The following ZP2 variants were observed in gnomAD, a reference collection of about 807,000 sequenced individuals.
ZP2 encodes zona pellucida glycoprotein 2, also known as zona pellucida sperm-binding protein 2.
ZP2 carries 51 observed loss-of-function variants against 84.0 expected under a neutral mutation model. The ratio of observed to expected loss-of-function variants is 0.61; its 90% CI spans 0.49 to 0.77. The LOEUF (loss-of-function observed/expected upper bound fraction) is 0.77. ZP2 is among the 30% of genes least tolerant of loss of function. The probability of loss-of-function intolerance (pLI) is 0.00; values close to 1 mark genes in which losing one functional copy is unlikely to be tolerated. For missense variants in ZP2, 909 were observed against 911.9 expected, an observed-to-expected ratio of 1.00 and a Z score of 0.04; for synonymous variants, 375 against 330.9, an observed-to-expected ratio of 1.13 and a Z score of -1.45.
intron 16 of ZP2, among the ~76,000 whole-genome samples, chr16:21,199,318 C>CA (rs10644558): frequency 0.23 from 10,624 of 45,716 alleles, 2,265 homozygotes; most frequent in East Asian, 0.31. Context: ...AAAACTGTCT[C>CA]AAAAAAAAAA....
chr16:21,214,105 T>G, upstream of ZP2: 1 of 412,304 alleles, frequency 2.4e-6, no homozygotes, highest in Non-Finnish European at 3.3e-6. Context: ...AGCCCCCAAA[T>G]TTGGGGTTTC....
Position 21,206,816 on chromosome 16 carries a change from GCAGT to G in ZP2, c.483+18_483+21del, listed in dbSNP as rs760556762. On this transcript the variant is annotated intron_variant, in intron 5 of 18. Transcript: ENST00000574091. ...CCCCTGCAGTAGCCATATACCCCGAGCAGTCAGCCCGTTTCACTCACAGACATGA... is the reference window on the plus strand; with the variant it reads ...CCCCTGCAGTAGCCATATACCCCGAGCAGCCCGTTTCACTCACAGACATGA... 8.7e-6 allele frequency: 14 copies of G among 1,613,926 alleles called. No individual in the cohort carries two copies.
chr16:21,212,644 T>G (rs532994597), upstream of ZP2, among the ~76,000 whole-genome samples: 1 of 152,342 alleles, frequency 6.6e-6, no homozygotes, highest in South Asian at 2.1e-4. Flanking sequence ...TGGCTTGTAA[T>G]TTTTCATCAT....
chr16:21,199,681 G>A lies in ZP2; in HGVS notation c.1831-15C>T, dbSNP rs2093216419. 6.2e-7 allele frequency: 1 copy of A among 1,612,502 alleles called. No individual in the cohort carries two copies. The highest frequency in any genetic ancestry group is 8.5e-7 in the Non-Finnish European group (1 of 1,179,020). On this transcript the variant is annotated splice_polypyrimidine_tract_variant and intron_variant, in intron 15 of 18. Coordinates refer to ENST00000574091, the MANE Select transcript of ZP2 (RefSeq NM_001376232.1). ...TGGAAGTAGACCTGGAGACAGAAGAGAGTTACATGGAATCGATGCACTAAC... is the reference window on the plus strand; with the variant it reads ...TGGAAGTAGACCTGGAGACAGAAGAAAGTTACATGGAATCGATGCACTAAC...
Position 21,197,786 on chromosome 16 carries a change from CCT to C in ZP2, c.2073_2074del (p.Glu693GlyfsTer?), listed in dbSNP as rs759263323. On this transcript the variant is annotated frameshift_variant, in exon 18 of 19. Coordinates refer to ENST00000574091, the MANE Select transcript of ZP2 (RefSeq NM_001376232.1). LOFTEE classifies it low-confidence loss of function (END_TRUNC). ...CTTACCTCGTGAGCCAACCTCCTCCCCTGTTTCACTCCTACTCTTCTCCCCAC... is the reference window on the plus strand; with the variant it reads ...CTTACCTCGTGAGCCAACCTCCTCCCGTTTCACTCCTACTCTTCTCCCCAC... The C allele has an allele frequency of 2.2e-5, 36 of 1,614,096 alleles. No homozygotes were observed. The highest frequency in any genetic ancestry group is 2.8e-5 in the Non-Finnish European group (33 of 1,180,038).
intron 3 of ZP2, 112 bp downstream of exon 3, chr16:21,209,997 G>T: frequency 1.1e-6 from 1 of 947,084 alleles, no homozygotes; most frequent in Non-Finnish European, 1.7e-6. Context: ...CATCATGGGA[G>T]TTGGATGCCG....
At chr16:21,213,964 G>A (rs979926336), upstream of ZP2, among the ~76,000 whole-genome samples, 3 of 151,918 alleles carry the variant, frequency 2.0e-5, no homozygotes, top group African/African-American at 7.3e-5. Context: ...TCAGAGAAGT[G>A]ATGGGTTAAT....
chr16:21,207,931 A>C (rs925550760), intron 4 of ZP2, among the ~76,000 whole-genome samples: 7 of 152,110 alleles, frequency 4.6e-5, no homozygotes, highest in African/African-American at 1.2e-4. Context: ...CACAAAAAAA[A>C]CCCATGAACT....
At chr16:21,207,837 C>G (rs544507742) in intron 4 of ZP2, among the ~76,000 whole-genome samples, 1 of 151,970 alleles carries the variant, frequency 6.6e-6, no homozygotes, top group Non-Finnish European at 1.5e-5. Flanking sequence ...GCCTGGACAA[C>G]AGCAAGACCC....
At position 21,199,628 on chromosome 16, in the gene ZP2, G is replaced by C; in HGVS notation, c.1869C>G (p.Leu623=). Residue 623 remains leucine (L), a synonymous_variant, in exon 16 of 19, where the codon CTC becomes CTG. Coordinates refer to ENST00000574091, the MANE Select transcript of ZP2 (RefSeq NM_001376232.1). ...CAGAACACAGTGGGGAGTCAGGGGA[G>C]AGTCGATTACAGATTAAGGCACTGC... The part of the protein sequence containing the change: ...FHCSALICNR[L]SPDSPLCSVT... 1 of 1,613,862 alleles carries C rather than the reference G, an allele frequency of 6.2e-7. No individual in the cohort carries two copies. Among genetic ancestry groups the C allele is most frequent in the Non-Finnish European group, 8.5e-7 (1 of 1,179,910 alleles).
At position 21,198,792 on chromosome 16, in the gene ZP2, G is replaced by A. The variant is rs757495871; in HGVS notation, c.1998C>T (p.Asp666=). Residue 666 remains aspartate (D), a synonymous_variant, in exon 17 of 19, where the codon GAC becomes GAT. Transcript: ENST00000574091. ...TTAGGTCCATACCTCTGAATGAGGAGTCATCTGACAACAGGAGAATGGGTC... is the reference window on the plus strand; with the variant it reads ...TTAGGTCCATACCTCTGAATGAGGAATCATCTGACAACAGGAGAATGGGTC... ...LPGPILLLSD[D]SSFRGVGSSD... 3.1e-6 allele frequency: 5 copies of A among 1,613,918 alleles called. No individual in the cohort carries two copies. The African/African-American group carries it at 5.3e-5, about 17-fold the overall frequency.
At chr16:21,208,313 G>A (rs1386077120) in intron 4 of ZP2, among the ~76,000 whole-genome samples, 2 of 152,144 alleles carry the variant, frequency 1.3e-5, no homozygotes, top group Non-Finnish European at 2.9e-5. Flanking sequence ...ATGTTGAGAA[G>A]GTCTGTTTTA....
intron 17 of ZP2, among the ~76,000 whole-genome samples, chr16:21,198,371 G>A (rs971019056): frequency 6.6e-6 from 1 of 151,942 alleles, no homozygotes; most frequent in Non-Finnish European, 1.5e-5. Flanking sequence ...CTCCAGCCTG[G>A]GTGACAAGAA....
Position 21,209,667 on chromosome 16 carries a change from G to A in ZP2, c.294C>T (p.Thr98=). 6.2e-7 allele frequency: 1 copy of A among 1,614,140 alleles called. No homozygotes were observed. The highest frequency in any genetic ancestry group is 8.5e-7 in the Non-Finnish European group (1 of 1,180,016). ...CTYILDPEKL[T]LRATYDNCTR... is the part of the protein sequence containing the mutation. The stretch of plus-strand genomic sequence containing the variant: ...TACAGTTATCATAGGTAGCCCTCAG[G>A]GTGAGCTTTTCTGGGTCCAGGATGT... Residue 98 remains threonine, a synonymous_variant, in exon 4 of 19, where the codon ACC becomes ACT. Transcript: ENST00000574091.
upstream of ZP2, among the ~76,000 whole-genome samples, chr16:21,213,839 A>G (rs1054846907): frequency 6.6e-6 from 1 of 152,140 alleles, no homozygotes; most frequent in Non-Finnish European, 1.5e-5. Context: ...ATTTTTCTGA[A>G]AAGTGGCACC....
At chr16:21,201,204 A>C (rs2093223260) in intron 14 of ZP2, among the ~76,000 whole-genome samples, 165 bp downstream of exon 14, 1 of 120,720 alleles carries the variant, frequency 8.3e-6, no homozygotes, top group East Asian at 2.1e-4. Flanking sequence ...ATCTCAAAAC[A>C]AAAAAAAAAA....
Position 21,197,747 on chromosome 16 carries a change from C to A in ZP2, c.2095+19G>T. ...TCAACAGGCTTATTTCAGAAGTTTG[C>A]AACATTGAATAAACTTACCTCGTGA... On this transcript the variant is annotated intron_variant, in intron 18 of 18. Coordinates refer to ENST00000574091, the MANE Select transcript of ZP2 (RefSeq NM_001376232.1). The A allele has an allele frequency of 6.2e-7, 1 of 1,613,888 alleles. No homozygotes were observed. Among genetic ancestry groups the A allele is most frequent in the Middle Eastern group, 1.7e-4 (1 of 6,060 alleles).
intron 4 of ZP2, among the ~76,000 whole-genome samples, chr16:21,207,653 CACA>C (rs1425294352): frequency 6.9e-6 from 1 of 144,974 alleles, no homozygotes; most frequent in Non-Finnish European, 1.5e-5. Context: ...CACACACACA[CACA>C]CACACACACA....
At chr16:21,202,338 G>T in intron 10 of ZP2, 47 bp from the exon 11 acceptor site, 1 of 1,454,150 alleles carries the variant, frequency 6.9e-7, no homozygotes, top group South Asian at 1.6e-5. Flanking sequence ...TCTGCCCTGT[G>T]ATACTGTCAT....
Sources: allele counts gnomAD v4.1 joint callset (sites outside exome capture counted in the v4.1 genomes callset), GRCh38; gene constraint gnomAD v4.1.1; transcripts MANE v1.5; gene names NCBI Gene and HGNC (gene_info 2026-07-23, HGNC 2026-07-21).